The following MSRA variants were observed in gnomAD, a reference collection of about 807,000 sequenced individuals.
MSRA encodes the protein mitochondrial peptide methionine sulfoxide reductase.
In MSRA, 54 loss-of-function variants were observed where a neutral mutation model predicts 31.3. That is an observed-to-expected ratio of 1.73 (90% CI 1.39 to 2.17). The LOEUF (loss-of-function observed/expected upper bound fraction) is 2.17. Ranked by LOEUF, MSRA falls within the 30% of genes most tolerant of loss-of-function variation. MSRA has a pLI of 0.00. For synonymous variants in MSRA, 169 were observed against 116.5 expected (o/e 1.45, Z -2.90); for missense variants, 507 against 300.9 (o/e 1.69, Z -5.07).
intron 5 of MSRA, among the ~76,000 whole-genome samples, chr8:10,359,990 A>G (rs1443703794): frequency 6.6e-6 from 1 of 151,914 alleles, no homozygotes; most frequent in Non-Finnish European, 1.5e-5. Context: ...TCCTTCCTTT[A>G]TCTCTGTTAT....
chr8:10,081,640 C>G (rs1798298858), intron 1 of MSRA, among the ~76,000 whole-genome samples: 1 of 152,126 alleles, frequency 6.6e-6, no homozygotes, highest in Non-Finnish European at 1.5e-5. Flanking sequence ...TAGGCGCCCA[C>G]AACGACGCCT....
chr8:10,393,021 C>G, intron 5 of MSRA, among the ~76,000 whole-genome samples: 1 of 145,770 alleles, frequency 6.9e-6, no homozygotes, highest in South Asian at 2.2e-4. Flanking sequence ...GAGATAGCGC[C>G]GCTGCACTCC....
rs535874744 is a variant in MSRA, at chr8:10,415,734, C to G, written c.544-12414C>G. 2.0e-5 allele frequency among the ~76,000 whole-genome samples: 3 copies of G among 151,972 alleles called. No individual in the cohort carries two copies. The South Asian group carries it at 6.3e-4, about 32-fold the overall frequency. On this transcript the variant is annotated intron_variant, in intron 5 of 5. Coordinates refer to ENST00000317173, the MANE Select transcript of MSRA (RefSeq NM_012331.5). ...ACTCTCCTCCGGACCTGTCAGCACC[C>G]TCAGATACACCTCATTACCCCCAAC...
At chr8:10,220,405 C>G (rs536239541) in intron 2 of MSRA, among the ~76,000 whole-genome samples, 2 of 152,256 alleles carry the variant, frequency 1.3e-5, no homozygotes, top group East Asian at 3.9e-4. Context: ...GTAGACATTA[C>G]CATGAAGAAA....
At chr8:10,263,401 A>G (rs903935674) in intron 3 of MSRA, among the ~76,000 whole-genome samples, 4 of 152,318 alleles carry the variant, frequency 2.6e-5, no homozygotes, top group East Asian at 1.9e-4. Context: ...GAGTTCTACC[A>G]TGATAGGAAA....
At chr8:10,337,485 A>G (rs951160958) in intron 5 of MSRA, 6 of 528,766 alleles carry the variant, frequency 1.1e-5, no homozygotes, top group Non-Finnish European at 2.0e-5. Context: ...GGCCAAGCCT[A>G]TGTCGCTTTT....
chr8:10,223,952 C>T (rs1041575710), intron 2 of MSRA, among the ~76,000 whole-genome samples: 4 of 152,176 alleles, frequency 2.6e-5, no homozygotes, highest in African/African-American at 9.7e-5. Context: ...CAGACTTGGA[C>T]TCACACCTGG....
intron 5 of MSRA, among the ~76,000 whole-genome samples, chr8:10,330,271 G>A (rs1802619837): frequency 1.3e-5 from 2 of 151,838 alleles, no homozygotes; most frequent in South Asian, 2.1e-4. Context: ...TATTGAAGCT[G>A]AGCCCCTTCA....
chr8:10,381,059 G>T (rs570855323), intron 5 of MSRA, among the ~76,000 whole-genome samples: 1 of 152,130 alleles, frequency 6.6e-6, no homozygotes, highest in African/African-American at 2.4e-5. Context: ...AGATGGATGG[G>T]TGGAGAGATG....
At chr8:10,408,145 G>T (rs990148845) in intron 5 of MSRA, among the ~76,000 whole-genome samples, 1 of 152,198 alleles carries the variant, frequency 6.6e-6, no homozygotes, top group Admixed American at 6.5e-5. Flanking sequence ...AGGCCAGGGA[G>T]AAAGGGTCGC....
chr8:10,089,551 G>T (rs1260997855), intron 1 of MSRA, among the ~76,000 whole-genome samples: 2 of 152,318 alleles, frequency 1.3e-5, no homozygotes, highest in African/African-American at 2.4e-5. Context: ...AAACCACAGC[G>T]GGTAGACGAG....
chr8:10,251,033 T>A (rs986043437), intron 3 of MSRA: 2 of 152,326 alleles, frequency 1.3e-5, no homozygotes, highest in African/African-American at 4.8e-5. Flanking sequence ...TTGTGGTAAG[T>A]ATGCCTGGCA....
intron 1 of MSRA, among the ~76,000 whole-genome samples, chr8:10,132,886 A>C (rs1305177424): frequency 6.6e-6 from 1 of 152,252 alleles, no homozygotes; most frequent in African/African-American, 2.4e-5. Context: ...CCCATAATGC[A>C]GAAGAACGAG....
chr8:10,057,761 C>G (rs185361307), intron 1 of MSRA, among the ~76,000 whole-genome samples: 4 of 152,194 alleles, frequency 2.6e-5, no homozygotes, highest in African/African-American at 9.7e-5. Context: ...GGAGATGTGC[C>G]AGCTTCCTCT....
At chr8:10,059,728 C>T (rs1037908474) in intron 1 of MSRA, among the ~76,000 whole-genome samples, 6 of 152,128 alleles carry the variant, frequency 3.9e-5, no homozygotes, top group African/African-American at 1.4e-4. Flanking sequence ...TAAATAGTTG[C>T]AATTCATATC....
intron 3 of MSRA, among the ~76,000 whole-genome samples, chr8:10,279,493 C>T (rs2952257): frequency 0.75 from 113,320 of 151,966 alleles, 42,362 homozygotes; most frequent in Admixed American, 0.82. Context: ...TGAGTTTGAT[C>T]GTCATCCTCC....
In MSRA at chr8:10,386,191, T is replaced by C. The variant is rs1806380653; in HGVS notation, c.544-41957T>C. 2.0e-5 allele frequency among the ~76,000 whole-genome samples: 3 copies of C among 152,220 alleles called. No homozygotes were observed. The South Asian group carries it at 6.2e-4, about 32-fold the overall frequency. The stretch of plus-strand genomic sequence containing the variant: ...GTTCTCTGAGATATGTATTCCAGTT[T>C]ACAAACAGAAGCTGGACCTCGGAGA... On this transcript the variant is annotated intron_variant, in intron 5 of 5. Transcript: ENST00000317173.
intron 1 of MSRA, among the ~76,000 whole-genome samples, chr8:10,083,715 G>A (rs562103330): frequency 4.6e-5 from 7 of 152,004 alleles, no homozygotes; most frequent in African/African-American, 1.4e-4. Flanking sequence ...AGTTTTATCT[G>A]CTATCCTGTT....
intron 5 of MSRA, among the ~76,000 whole-genome samples, chr8:10,398,736 G>C (rs1457571487): frequency 3.9e-5 from 6 of 152,324 alleles, no homozygotes; most frequent in Middle Eastern, 3.4e-3. Context: ...TGGGAGGTTG[G>C]GGATTTGTTT....
Sources: allele counts gnomAD v4.1 joint callset (sites outside exome capture counted in the v4.1 genomes callset), GRCh38; gene constraint gnomAD v4.1.1; transcripts MANE v1.5; gene names NCBI Gene and HGNC (gene_info 2026-07-23, HGNC 2026-07-21).